The following DPF1 variants were observed in gnomAD, a reference collection of about 807,000 sequenced individuals.
DPF1 encodes double PHD fingers 1.
Under a neutral mutation model 58.7 loss-of-function variants are expected in DPF1, and 14 were observed. The ratio of observed to expected loss-of-function variants is 0.24; its 90% CI spans 0.16 to 0.37. DPF1 has a LOEUF of 0.37. Ranked by LOEUF, DPF1 falls within the 10% of genes least tolerant of loss-of-function variation. DPF1 has a pLI of 1.00. For missense variants in DPF1, 345 were observed against 529.9 expected (o/e 0.65, Z 3.43); for synonymous variants, 216 against 216.0 (o/e 1.00, Z 0.00).
At chr19:38,229,205 G>T (rs935555532), upstream of DPF1, among the ~76,000 whole-genome samples, 1 of 152,214 alleles carries the variant, frequency 6.6e-6, no homozygotes, top group African/African-American at 2.4e-5. The surrounding 1 kb of genome is among the most constrained non-coding windows in gnomAD (Gnocchi z 5.3). Flanking sequence ...CGAGCTTTCA[G>T]CCCCGGCCGG....
chr19:38,229,534 G>C lies in DPF1; in HGVS notation c.-132+25C>G. On this transcript the variant is annotated intron_variant, in intron 1 of 11. Coordinates refer to the DPF1 transcript ENST00000412732. This position sits in a 1 kb window ranked among gnomAD's most constrained non-coding sequence, Gnocchi z 5.3. ...CTCCTGGTGGGGGGGTCTGGACAGG[G>C]GGCGGGGACGGCAGGGACACTCACG... The C allele has an allele frequency of 8.7e-7, 1 of 1,154,432 alleles. No homozygotes were observed. The highest frequency in any genetic ancestry group is 1.1e-6 in the Non-Finnish European group (1 of 936,926). 71.5% of individuals were successfully genotyped at this position (1,154,432 alleles called of 1,614,324 possible). A position where few individuals can be genotyped will look rare whatever the true frequency, so the allele number is the denominator to read the frequency against.
chr19:38,216,355 G>C lies in DPF1; in HGVS notation c.776C>G (p.Thr259Arg). Residue 259 changes from threonine to arginine, a missense_variant and splice_region_variant, in exon 8 of 12, where the codon ACA becomes AGA. Thr to Arg is a moderately conservative substitution (Grantham distance 71). Coordinates refer to ENST00000355526, the MANE Select transcript of DPF1 (RefSeq NM_001135155.3). The part of the protein sequence containing the change: ...AWVPEAQRKH[T>R]AKKAPDGTVI... The stretch of plus-strand genomic sequence containing the variant: ...GGAGCAGAAGGAGGCATCCGTACCT[G>C]TGTGTTTCCTTTGTGCCTCAGGGAC... The C allele has an allele frequency of 1.9e-6, 3 of 1,601,060 alleles. No individual in the cohort carries two copies. Among genetic ancestry groups the C allele is most frequent in the Non-Finnish European group, 2.6e-6 (3 of 1,172,786 alleles).
At chr19:38,215,494 AAAAAC>A (rs151122599) in intron 9 of DPF1, among the ~76,000 whole-genome samples, 82,038 of 150,092 alleles carry the variant, frequency 0.55, 23,230 homozygotes, top group East Asian at 0.78. Flanking sequence ...CTCTGTCTCA[AAAAAC>A]AAAACAAAAC....
At chr19:38,217,069 TC>T (rs1268474964) in intron 7 of DPF1, among the ~76,000 whole-genome samples, 1 of 151,886 alleles carries the variant, frequency 6.6e-6, no homozygotes, top group Non-Finnish European at 1.5e-5. Flanking sequence ...CCCTCCCCCA[TC>T]CTTCAGCTGT....
In DPF1 at chr19:38,211,897, C is replaced by G. The variant is rs1973450891; in HGVS notation, c.*166G>C. The stretch of plus-strand genomic sequence containing the variant: ...GGCCCTGGCCGGGCCCACCCACCCA[C>G]AGGGCAGACATTCCACTTGCACAGA... On this transcript the variant is annotated 3_prime_UTR_variant, in exon 12 of 12. Transcript: ENST00000355526. The surrounding 1 kb of genome is among the most constrained non-coding windows in gnomAD (Gnocchi z 4.0). 2 of 729,716 alleles carry G rather than the reference C, an allele frequency of 2.7e-6. No homozygotes were observed. Among genetic ancestry groups the G allele is most frequent in the Non-Finnish European group, 4.4e-6 (2 of 452,228 alleles). 45.2% of individuals were successfully genotyped at this position (729,716 alleles called of 1,614,324 possible).
Position 38,229,615 on chromosome 19 carries a change from G to T in DPF1, c.-188C>A. On this transcript the variant is annotated 5_prime_UTR_variant, in exon 1 of 12. Transcript: ENST00000412732. This position sits in a 1 kb window ranked among gnomAD's most constrained non-coding sequence, Gnocchi z 5.3. ...TGGCCCGCTCGGCTGGGCCGCCTCC[G>T]GCCCGGGGCGCCGCTGCCGCCGCGC... 1 of 1,071,360 alleles carries T rather than the reference G, an allele frequency of 9.3e-7. No individual in the cohort carries two copies. The highest frequency in any genetic ancestry group is 4.4e-5 in the South Asian group (1 of 22,884). 66.4% of individuals were successfully genotyped at this position (1,071,360 alleles called of 1,614,324 possible).
rs780997299 is a variant in DPF1, at chr19:38,219,031, C to A, written c.326G>T (p.Gly109Val). Reference sequence around the variant, plus strand: ...GAGGACCGGCCCTTCCGGGAGGCCACCCTCCTTCTTCAGGGGTGCTTCACA... The same window carrying A: ...GAGGACCGGCCCTTCCGGGAGGCCAACCTCCTTCTTCAGGGGTGCTTCACA... Reference protein sequence around the residue: ...IDCEAPLKKEGGLPEGPVLEA... With the variant: ...IDCEAPLKKEVGLPEGPVLEA... The change falls in exon 4 of 12, where the codon GGT becomes GTT. Residue 109 changes from glycine to valine, a missense_variant. Coordinates refer to ENST00000355526, the MANE Select transcript of DPF1 (RefSeq NM_001135155.3). The A allele has an allele frequency of 1.5e-5, 25 of 1,614,040 alleles. No homozygotes were observed. The highest frequency in any genetic ancestry group is 2.0e-5 in the Non-Finnish European group (24 of 1,180,042).
Position 38,220,018 on chromosome 19 carries a change from T to TA in DPF1, c.299-961dup, listed in dbSNP as rs199924530. 2.4e-3 allele frequency: 345 copies of TA among 142,774 alleles called. 5 individuals are homozygous for TA. The highest frequency in any genetic ancestry group is 6.5e-3 in the African/African-American group (255 of 39,000). 8.8% of individuals were successfully genotyped at this position (142,774 alleles called of 1,614,324 possible). ...AACATGGTAAAACCTCATCTCTACTTAAAAAAAAAAAAATACAAAAATTAG... is the reference window on the plus strand; with the variant it reads ...AACATGGTAAAACCTCATCTCTACTTAAAAAAAAAAAAAATACAAAAATTAG... On this transcript the variant is annotated intron_variant, in intron 3 of 11. Coordinates refer to ENST00000355526, the MANE Select transcript of DPF1 (RefSeq NM_001135155.3).
chr19:38,212,209 C>T lies in DPF1; in HGVS notation c.1093+71G>A, dbSNP rs574476363. On this transcript the variant is annotated intron_variant, in intron 11 of 11. Transcript: ENST00000355526. The stretch of plus-strand genomic sequence containing the variant: ...CCAGCCCCTTCCCACCCCGAGGACA[C>T]ACAGTCTTCCACAACCAGGAGATGG... The T allele has an allele frequency of 5.1e-4, 776 of 1,530,164 alleles. 1 individual carries two copies. Among genetic ancestry groups the T allele is most frequent in the Admixed American group, 9.8e-4 (49 of 50,244 alleles). The allele number at this position is 1,530,164 out of a possible 1,614,324, so 94.8% of individuals were successfully genotyped here.
intron 3 of DPF1, 42 bp from the exon 4 acceptor site, chr19:38,219,100 C>T (rs1223727707): frequency 1.9e-6 from 3 of 1,608,706 alleles, no homozygotes; most frequent in East Asian, 2.2e-5. Context: ...GGAAGTTGAC[C>T]CCGGAGGACT....
At chr19:38,217,739 A>G (rs1337704199) in intron 6 of DPF1, 59 bp downstream of exon 6, 1 of 1,608,096 alleles carries the variant, frequency 6.2e-7, no homozygotes, top group Admixed American at 1.7e-5. Context: ...GAGGGCCACG[A>G]GGTGGGGAGT....
chr19:38,216,545 A>G, intron 7 of DPF1, 142 bp from the exon 8 acceptor site: 2 of 973,464 alleles, frequency 2.1e-6, no homozygotes, highest in Non-Finnish European at 2.8e-6. Context: ...CTGTGGGGAG[A>G]GGTGAAAACA....
Position 38,213,749 on chromosome 19 carries a change from G to A in DPF1, c.906C>T (p.Pro302=), listed in dbSNP as rs745868332. 8 of 1,613,362 alleles carry A rather than the reference G, an allele frequency of 5.0e-6. No individual in the cohort carries two copies. The highest frequency in any genetic ancestry group is 1.7e-5 in the Admixed American group (1 of 59,982). The change falls in exon 10 of 12, where the codon CCC becomes CCT. Residue 302 remains proline (P), a synonymous_variant. Coordinates refer to ENST00000355526, the MANE Select transcript of DPF1 (RefSeq NM_001135155.3). ...SCADCGRSGH[P]SCLQFTVNMT... ...TGTTCACCGTGAATTGTAAACACGA[G>A]GGGTGTCCTGGGGGCCAAGGGGCAG...
At chr19:38,225,515 G>A (rs1302173985), upstream of DPF1, among the ~76,000 whole-genome samples, 1 of 152,078 alleles carries the variant, frequency 6.6e-6, no homozygotes, top group African/African-American at 2.4e-5. Context: ...GCTGCAGTGA[G>A]CTGTGGTCTC....
intron 7 of DPF1, among the ~76,000 whole-genome samples, chr19:38,217,179 G>A (rs533867303): frequency 1.3e-5 from 2 of 152,330 alleles, no homozygotes; most frequent in East Asian, 3.9e-4. Flanking sequence ...AGAAAGGGAA[G>A]GCAGGGCGGG....
intron 3 of DPF1, among the ~76,000 whole-genome samples, chr19:38,220,482 G>A (rs1305211742): frequency 1.3e-5 from 2 of 151,724 alleles, no homozygotes; most frequent in South Asian, 2.1e-4. Flanking sequence ...TTAGCTGGGC[G>A]TAGTGGCAGG....
chr19:38,220,611 G>A (rs1310324865), intron 3 of DPF1, among the ~76,000 whole-genome samples: 4 of 142,518 alleles, frequency 2.8e-5, no homozygotes, highest in South Asian at 2.3e-4. Flanking sequence ...GCAAGACTCC[G>A]TCTCAAAAAA....
intron 3 of DPF1, among the ~76,000 whole-genome samples, chr19:38,220,304 AAG>A (rs1967364551): frequency 1.0e-5 from 1 of 99,130 alleles, no homozygotes; most frequent in South Asian, 3.4e-4. Flanking sequence ...GAGAGAAAGA[AAG>A]AGAAAGAAAG....
Position 38,212,054 on chromosome 19 carries a change from C to T in DPF1, c.*9G>A, listed in dbSNP as rs1206094160. 9 of 1,607,790 alleles carry T rather than the reference C, an allele frequency of 5.6e-6. No homozygotes were observed. The African/African-American group carries it at 6.7e-5, about 12-fold the overall frequency. On this transcript the variant is annotated 3_prime_UTR_variant, in exon 12 of 12. Transcript: ENST00000355526. ...GCACCACCCCAGAGTCGCGGCGAGC[C>T]GAGCCGGCCTAGGTGAGGGTGATGT...
Sources: gnomAD v4.1 joint callset for allele counts (sites outside exome capture counted in the v4.1 genomes callset) on GRCh38, gnomAD v4.1.1 for gene constraint, Gnocchi (gnomAD v3.1) non-coding constraint, MANE v1.5 for transcripts, NCBI Gene and HGNC (gene_info 2026-07-23, HGNC 2026-07-21) for gene names.